ADH6: variants seen among roughly 807,000 people sequenced by gnomAD.
The protein encoded by ADH6 is alcohol dehydrogenase 6 (class V), also known as alcohol dehydrogenase 6.
ADH6 carries 34 observed loss-of-function variants against 36.5 expected under a neutral mutation model. The observed-to-expected ratio is 0.93, with a 90% CI of 0.71 to 1.24. The LOEUF is 1.24. ADH6 is among the 50% of genes most tolerant of loss of function. The pLI, the probability that ADH6 is intolerant of heterozygous loss-of-function variation, is 0.00. For missense variants in ADH6, 440 were observed against 447.0 expected (o/e 0.98, Z 0.14); for synonymous variants, 161 against 155.5 (o/e 1.04, Z -0.26).
chr4:99,207,921 A>G (rs2110545074), intron 6 of ADH6, among the ~76,000 whole-genome samples: 1 of 152,226 alleles, frequency 6.6e-6, no homozygotes, highest in South Asian at 2.1e-4. Context: ...TTTTTCTTTT[A>G]GACATCTAAG....
chr4:99,207,990 C>T (rs1271358978), intron 6 of ADH6, among the ~76,000 whole-genome samples: 1 of 151,986 alleles, frequency 6.6e-6, no homozygotes, highest in Admixed American at 6.6e-5. Context: ...CCGTTACATT[C>T]GTTATGTTCA....
intron 3 of ADH6, among the ~76,000 whole-genome samples, chr4:99,212,479 AAGAACATTTGAAATG>A (rs1362894179): frequency 6.6e-6 from 1 of 152,124 alleles, no homozygotes; most frequent in Non-Finnish European, 1.5e-5. Flanking sequence ...ATTTTGTGGT[AAGAACATTTGAAATG>A]TATACTCTTA....
At chr4:99,206,634 A>T (rs1731046564) in intron 7 of ADH6, among the ~76,000 whole-genome samples, 1 of 151,860 alleles carries the variant, frequency 6.6e-6, no homozygotes, top group Admixed American at 6.6e-5. Context: ...AAGGCTTCTA[A>T]TATCTGTAAT....
intron 1 of ADH6, 105 bp from the exon 2 acceptor site, chr4:99,216,367 T>A: frequency 1.7e-6 from 1 of 586,970 alleles, no homozygotes; most frequent in Non-Finnish European, 2.7e-6. Flanking sequence ...TTAGTCCAAC[T>A]TTCCGCACTG....
At chr4:99,217,175 A>G (rs1731467467) in intron 1 of ADH6, among the ~76,000 whole-genome samples, 1 of 152,016 alleles carries the variant, frequency 6.6e-6, no homozygotes, top group Non-Finnish European at 1.5e-5. Context: ...AGCTGGGACT[A>G]CAGGCGCCCA....
chr4:99,209,852 C>T (rs1731161420), intron 5 of ADH6, among the ~76,000 whole-genome samples: 1 of 152,066 alleles, frequency 6.6e-6, no homozygotes, highest in African/African-American at 2.4e-5. Flanking sequence ...GATCTTTCCA[C>T]TTGTGAATGG....
chr4:99,204,128 G>T lies in ADH6; in HGVS notation c.*91C>A. 2 of 1,432,870 alleles carry T rather than the reference G, an allele frequency of 1.4e-6. No homozygotes were observed. Among genetic ancestry groups the T allele is most frequent in the South Asian group, 1.2e-5 (1 of 81,096 alleles). The allele number at this position is 1,432,870 out of a possible 1,614,324, so 88.8% of individuals were successfully genotyped here. A position where few individuals can be genotyped will look rare whatever the true frequency, so the allele number is the denominator to read the frequency against. ...GAAGTCAGAATATAGAAATGGGATT[G>T]GGTGAATAATTCTTCTAAATCATGA... On this transcript the variant is annotated 3_prime_UTR_variant, in exon 9 of 9. Coordinates refer to ENST00000394899, the MANE Select transcript of ADH6 (RefSeq NM_001102470.2).
Position 99,216,158 on chromosome 4 carries a change from T to C in ADH6, c.120+3A>G. 7.7e-7 allele frequency: 1 copy of C among 1,302,012 alleles called. No homozygotes were observed. Among genetic ancestry groups the C allele is most frequent in the Non-Finnish European group, 1.0e-6 (1 of 970,044 alleles). 80.7% of individuals were successfully genotyped at this position (1,302,012 alleles called of 1,614,324 possible). Reference sequence around the variant, plus strand: ...TGATTTTTTTTTTTTTTTTTTTTTTTACCTTTATGCGAACTTCCTTTGCCT... The same window carrying C: ...TGATTTTTTTTTTTTTTTTTTTTTTCACCTTTATGCGAACTTCCTTTGCCT... On this transcript the variant is annotated splice_donor_region_variant and intron_variant, in intron 2 of 8. Transcript: ENST00000394899.
Position 99,207,453 on chromosome 4 carries a change from A to C in ADH6, c.957T>G (p.Val319=). The change falls in exon 7 of 9, where the codon GTT becomes GTG. Residue 319 remains valine (V), a synonymous_variant. Transcript: ENST00000394899. ...FFSGRSLKGS[V]FGGWKSRQHI... ...TCCCTGCTTCATCCATACCTCCAAA[A>C]ACAGAACCCTTCAAAGAACGTCCTG... 1.9e-6 allele frequency: 3 copies of C among 1,613,294 alleles called. No individual in the cohort carries two copies. Among genetic ancestry groups the C allele is most frequent in the Non-Finnish European group, 2.5e-6 (3 of 1,179,476 alleles).
intron 3 of ADH6, among the ~76,000 whole-genome samples, chr4:99,211,144 TTTTA>T (rs145551679): frequency 0.053 from 8,046 of 151,942 alleles, 632 homozygotes; most frequent in African/African-American, 0.18. Flanking sequence ...GTTTCTTCTA[TTTTA>T]TTTATTTTTA....
chr4:99,210,071 A>G lies in ADH6; in HGVS notation c.567+11T>C, dbSNP rs1731168815. On this transcript the variant is annotated intron_variant, in intron 5 of 8. Transcript: ENST00000394899. ...ATAATTCCCTTCCAAATGGGTATAA[A>G]TGCCCCTCACCTTGGCAGTATTGAT... 2 of 1,612,220 alleles carry G rather than the reference A, an allele frequency of 1.2e-6. No individual in the cohort carries two copies. Among genetic ancestry groups the G allele is most frequent in the East Asian group, 2.2e-5 (1 of 44,878 alleles).
At position 99,204,374 on chromosome 4, in the gene ADH6, T is replaced by C. The variant is rs1464189947; in HGVS notation, c.1104-131A>G. ...CTCTTTAGGTGAAAAATGAGAAGAT[T>C]AAATAAGCCATGGGAAGATTTTTTA... is the stretch of plus-strand genomic sequence containing the variant. On this transcript the variant is annotated intron_variant, in intron 8 of 8. Coordinates refer to ENST00000394899, the MANE Select transcript of ADH6 (RefSeq NM_001102470.2). The C allele has an allele frequency of 9.0e-6, 13 of 1,443,756 alleles. No homozygotes were observed. The African/African-American group carries it at 1.9e-4, about 21-fold the overall frequency. 89.4% of individuals were successfully genotyped at this position (1,443,756 alleles called of 1,614,324 possible).
chr4:99,205,774 G>A (rs1579439885), intron 7 of ADH6, among the ~76,000 whole-genome samples: 1 of 152,204 alleles, frequency 6.6e-6, no homozygotes, highest in East Asian at 1.9e-4. Context: ...TGCTAGAAAG[G>A]GTGGGTGTGG....
At position 99,210,124 on chromosome 4, in the gene ADH6, A is replaced by G. The variant is rs767958711; in HGVS notation, c.525T>C (p.Cys175=). 13 of 1,613,814 alleles carry G rather than the reference A, an allele frequency of 8.1e-6. No individual in the cohort carries two copies. Among genetic ancestry groups the G allele is most frequent in the Non-Finnish European group, 1.0e-5 (12 of 1,179,774 alleles). ...CAGCACCAAACCCAGTGGAAAAGCC[A>G]CAGCTAATTAGGCATACTTTCTCTA... ...APLEKVCLIS[C]GFSTGFGAAI... is the part of the protein sequence containing the mutation. Residue 175 remains cysteine, a synonymous_variant, in exon 5 of 9, where the codon TGT becomes TGC. Coordinates refer to ENST00000394899, the MANE Select transcript of ADH6 (RefSeq NM_001102470.2).
chr4:99,216,347 T>C, intron 1 of ADH6, 85 bp from the exon 2 acceptor site: 4 of 731,808 alleles, frequency 5.5e-6, no homozygotes, highest in South Asian at 3.4e-5. Flanking sequence ...TATAGAATCA[T>C]TAAATTGGAT....
rs1461929164 is a variant in ADH6 at position 99,204,059 on chromosome 4, G to C, written c.*160C>G. On this transcript the variant is annotated 3_prime_UTR_variant, in exon 9 of 9. Transcript: ENST00000394899. ...TACGTAAGAACAATTTTGATGAAAT[G>C]GTTAGGTCAGAAGCCAGATATAGGT... 2 of 768,378 alleles carry C rather than the reference G, an allele frequency of 2.6e-6. No homozygotes were observed. The highest frequency in any genetic ancestry group is 3.5e-5 in the Admixed American group (1 of 28,804). 47.6% of individuals were successfully genotyped at this position (768,378 alleles called of 1,614,324 possible). A position where few individuals can be genotyped will look rare whatever the true frequency, so the allele number is the denominator to read the frequency against.
intron 1 of ADH6, among the ~76,000 whole-genome samples, chr4:99,217,022 G>A (rs1393087463): frequency 6.6e-6 from 1 of 151,882 alleles, no homozygotes; most frequent in African/African-American, 2.4e-5. Context: ...CTATCTTATT[G>A]TATGTTTGTA....
In ADH6 at chr4:99,203,465, A is replaced by G. The variant is rs28720165; in HGVS notation, c.*754T>C. The G allele has an allele frequency of 2.0e-5, 3 of 152,280 alleles. No homozygotes were observed. Among genetic ancestry groups the G allele is most frequent in the Non-Finnish European group, 4.4e-5 (3 of 68,012 alleles). 9.4% of individuals were successfully genotyped at this position (152,280 alleles called of 1,614,324 possible). A position where few individuals can be genotyped will look rare whatever the true frequency, so the allele number is the denominator to read the frequency against. On this transcript the variant is annotated 3_prime_UTR_variant, in exon 9 of 9. Coordinates refer to ENST00000394899, the MANE Select transcript of ADH6 (RefSeq NM_001102470.2). ...ACTCCATGGAACACATTAGTAAGAA[A>G]GTATACAATTATTCCTGTTTTATGT...
intron 3 of ADH6, among the ~76,000 whole-genome samples, chr4:99,212,225 A>G (rs1342641668): frequency 6.6e-6 from 1 of 152,170 alleles, no homozygotes. Context: ...GAGTCGAGCA[A>G]ATCTACGTTC....
Sources: allele counts gnomAD v4.1 joint callset (sites outside exome capture counted in the v4.1 genomes callset), GRCh38; gene constraint gnomAD v4.1.1; transcripts MANE v1.5; gene names NCBI Gene and HGNC (gene_info 2026-07-23, HGNC 2026-07-21).